The following ZNF718 variants were observed in gnomAD, a reference collection of about 807,000 sequenced individuals.
ZNF718 encodes the protein zinc finger protein 718.
In ZNF718, 3 loss-of-function variants were observed where a neutral mutation model predicts 2.6. The observed-to-expected ratio is 1.16, with a 90% CI of 0.53 to 3.01. The LOEUF (loss-of-function observed/expected upper bound fraction) is 3.01, where lower values mean the gene tolerates loss of function less well. Ranked by LOEUF, ZNF718 falls within the 30% of genes most tolerant of loss-of-function variation. The pLI is 0.03. For synonymous variants in ZNF718, 135 were observed against 77.9 expected (o/e 1.73, Z -3.86); for missense variants, 468 against 230.0 (o/e 2.03, Z -6.69).
At chr4:194,588 G>C (rs558913149) in intron 3 of ZNF718, among the ~76,000 whole-genome samples, 1 of 152,296 alleles carries the variant, frequency 6.6e-6, no homozygotes, top group South Asian at 2.1e-4. Flanking sequence ...TCTCTCATTT[G>C]GGGTTAGTGT....
intron 3 of ZNF718, chr4:149,869 A>G (rs1014815791): frequency 5.3e-5 from 8 of 152,144 alleles, no homozygotes; most frequent in South Asian, 2.1e-4. Context: ...AAGTAGGTGT[A>G]AATAATAGTT....
In ZNF718 at chr4:179,312, T is replaced by G. The variant is rs367923102; in HGVS notation, c.227-21769T>G. On this transcript the variant is annotated intron_variant and NMD_transcript_variant, in intron 3 of 4. Transcript: ENST00000642529. ...AGCTTTGGAATCAGTTTTGACATCA[T>G]GAGGTGTGGTACCTCTAACTTTGTT... 8.6e-4 allele frequency among the ~76,000 whole-genome samples: 131 copies of G among 152,338 alleles called. 1 individual carries two copies. Among genetic ancestry groups the G allele is most frequent in the African/African-American group, 3.1e-3 (127 of 41,582 alleles).
chr4:138,843 GAT>G (rs1434029040), intron 3 of ZNF718, among the ~76,000 whole-genome samples: 1 of 151,988 alleles, frequency 6.6e-6, no homozygotes, highest in Non-Finnish European at 1.5e-5. Flanking sequence ...ACTGGGGTGA[GAT>G]AATATCTCAT....
exon 4 of ZNF718, chr4:201,094 A>G (rs956363338): frequency 2.6e-5 from 4 of 152,198 alleles, no homozygotes; most frequent in African/African-American, 9.7e-5. Context: ...ACTACAGGAA[A>G]AGATATCTTC....
At chr4:196,970 C>T (rs1002643856) in intron 3 of ZNF718, among the ~76,000 whole-genome samples, 8 of 149,526 alleles carry the variant, frequency 5.4e-5, no homozygotes, top group East Asian at 4.3e-4. Flanking sequence ...ATGTTATGGG[C>T]GGGTCTTTGT....
chr4:136,277 A>C, intron 3 of ZNF718: 1 of 461,826 alleles, frequency 2.2e-6, no homozygotes, highest in Non-Finnish European at 4.3e-6. Flanking sequence ...AGTGTGTACA[A>C]CTGGCCATGG....
At chr4:148,256 A>T (rs991847977) in intron 3 of ZNF718, among the ~76,000 whole-genome samples, 3 of 152,106 alleles carry the variant, frequency 2.0e-5, no homozygotes, top group Non-Finnish European at 2.9e-5. Context: ...AGGCTAGGAA[A>T]AACTGCCCCT....
Position 162,893 on chromosome 4 carries a change from A to C in ZNF718, c.*771A>C, listed in dbSNP as rs1193902788. The C allele has an allele frequency of 6.6e-6, 1 of 152,230 alleles. No individual in the cohort carries two copies. Among genetic ancestry groups the C allele is most frequent in the African/African-American group, 2.4e-5 (1 of 41,472 alleles). The allele number at this position is 152,230 out of a possible 1,614,324, so 9.4% of individuals were successfully genotyped here. On this transcript the variant is annotated 3_prime_UTR_variant, in exon 4 of 4. Transcript: ENST00000510175. Reference sequence around the variant, plus strand: ...GTCAGAATATTTACAGTAGAAAGAAAAAGGCATTAACACTTGAAACATTAC... The same window carrying C: ...GTCAGAATATTTACAGTAGAAAGAACAAGGCATTAACACTTGAAACATTAC...
At chr4:192,483 T>C (rs1487646132) in intron 3 of ZNF718, among the ~76,000 whole-genome samples, 1 of 152,176 alleles carries the variant, frequency 6.6e-6, no homozygotes, top group Non-Finnish European at 1.5e-5. Context: ...TGCGGTCACC[T>C]TCCCCAGCTA....
chr4:157,772 CT>C (rs776047315), intron 3 of ZNF718, among the ~76,000 whole-genome samples: 5 of 152,104 alleles, frequency 3.3e-5, no homozygotes, highest in Non-Finnish European at 5.9e-5. Flanking sequence ...ATCAAGAAGA[CT>C]TTTGTATGAG....
chr4:179,335 GT>G (rs1436601046), intron 3 of ZNF718, among the ~76,000 whole-genome samples: 1 of 151,996 alleles, frequency 6.6e-6, no homozygotes, highest in Non-Finnish European at 1.5e-5. Context: ...CTCTAACTTT[GT>G]TTTTTTCTAA....
intron 3 of ZNF718, among the ~76,000 whole-genome samples, chr4:148,120 G>T (rs1716148251): frequency 6.6e-6 from 1 of 152,132 alleles, no homozygotes; most frequent in South Asian, 2.1e-4. Context: ...TCAGATTTCT[G>T]GGCGGGCAGG....
chr4:147,089 G>T (rs549580578), intron 3 of ZNF718, among the ~76,000 whole-genome samples: 46 of 152,240 alleles, frequency 3.0e-4, no homozygotes, highest in African/African-American at 1.0e-3. Context: ...TTTTGCCTCA[G>T]CCTCCCAATT....
At chr4:198,087 C>G (rs1395017412) in intron 3 of ZNF718, among the ~76,000 whole-genome samples, 14 of 152,162 alleles carry the variant, frequency 9.2e-5, no homozygotes, top group Non-Finnish European at 1.8e-4. Flanking sequence ...AGCAGTGGCA[C>G]TTGCTTCAGA....
chr4:154,109 G>C (rs1425954980), intron 3 of ZNF718, among the ~76,000 whole-genome samples: 1 of 152,108 alleles, frequency 6.6e-6, no homozygotes, highest in Non-Finnish European at 1.5e-5. Flanking sequence ...TTCCCCTTTT[G>C]TTTGGCTCTC....
chr4:159,107 G>C (rs551385903), intron 3 of ZNF718, among the ~76,000 whole-genome samples: 3 of 150,988 alleles, frequency 2.0e-5, no homozygotes, highest in Non-Finnish European at 4.4e-5. Flanking sequence ...CGCGATCTTG[G>C]CTCACTGCAA....
At chr4:153,838 A>G (rs912897985) in intron 3 of ZNF718, among the ~76,000 whole-genome samples, 1 of 152,236 alleles carries the variant, frequency 6.6e-6, no homozygotes, top group Non-Finnish European at 1.5e-5. Flanking sequence ...CAGAACAAAA[A>G]AAGCAGAAAA....
At position 188,864 on chromosome 4, in the gene ZNF718, A is replaced by G. The variant is rs144160444; in HGVS notation, c.227-12217A>G. Among the ~76,000 whole-genome samples the G allele has an allele frequency of 2.9e-3, 447 of 152,174 alleles. 4 individuals carry two copies. Among genetic ancestry groups the G allele is most frequent in the African/African-American group, 0.01 (431 of 41,518 alleles). On this transcript the variant is annotated intron_variant and NMD_transcript_variant, in intron 3 of 4. Coordinates refer to the ZNF718 transcript ENST00000642529. ...ATAGGTCCTCAAAATCTATCCTTAT[A>G]GTAGTACCCTATTGTTTGGTTATGA... is the stretch of plus-strand genomic sequence containing the variant.
intron 3 of ZNF718, among the ~76,000 whole-genome samples, chr4:151,700 G>A (rs1553812573): frequency 6.6e-6 from 1 of 152,084 alleles, no homozygotes; most frequent in Admixed American, 6.6e-5. Context: ...GTCTGGTCTT[G>A]AACTCCTAAC....
Sources: gnomAD v4.1 joint callset for allele counts (sites outside exome capture counted in the v4.1 genomes callset) on GRCh38, gnomAD v4.1.1 for gene constraint, MANE v1.5 for transcripts, NCBI Gene and HGNC (gene_info 2026-07-23, HGNC 2026-07-21) for gene names.